Variants in DNAH12 observed in about 807,000 individuals in gnomAD.
The protein encoded by DNAH12 is dynein axonemal heavy chain 12.
Under a neutral mutation model 371.5 loss-of-function variants are expected in DNAH12, and 285 were observed. That is an observed-to-expected ratio of 0.77 (90% CI 0.70 to 0.85). The LOEUF is 0.85. DNAH12 is among the 40% of genes least tolerant of loss of function. The probability of loss-of-function intolerance (pLI) is 0.00; values close to 1 mark genes in which losing one functional copy is unlikely to be tolerated. For missense variants in DNAH12, 3,611 were observed against 3,689.4 expected, an observed-to-expected ratio of 0.98 and a Z score of 0.55; for synonymous variants, 1,200 against 1,213.0, an observed-to-expected ratio of 0.99 and a Z score of 0.22.
intron 13 of DNAH12, among the ~76,000 whole-genome samples, chr3:57,480,214 T>C (rs374269043): frequency 6.6e-6 from 1 of 151,522 alleles, no homozygotes; most frequent in Non-Finnish European, 1.5e-5. Context: ...ATCAAATAGA[T>C]GCAATAAAAA....
intron 62 of DNAH12, among the ~76,000 whole-genome samples, chr3:57,331,529 G>A (rs1231504577): frequency 6.6e-6 from 1 of 152,132 alleles, no homozygotes; most frequent in Non-Finnish European, 1.5e-5. Context: ...GGGAATCAGG[G>A]TAAGGAGTAA....
At chr3:57,390,566 T>C (rs1309312213) in intron 45 of DNAH12, among the ~76,000 whole-genome samples, 1 of 148,100 alleles carries the variant, frequency 6.8e-6, no homozygotes, top group Admixed American at 6.9e-5. Context: ...AACAAATCAG[T>C]ACCAGAAACT....
Position 57,428,811 on chromosome 3 carries a change from A to T in DNAH12, c.5075T>A (p.Val1692Glu). The T allele has an allele frequency of 1.3e-6, 2 of 1,529,894 alleles. No individual in the cohort carries two copies. The highest frequency in any genetic ancestry group is 1.8e-6 in the Non-Finnish European group (2 of 1,139,988). 94.8% of individuals were successfully genotyped at this position (1,529,894 alleles called of 1,614,324 possible). A position where few individuals can be genotyped will look rare whatever the true frequency, so the allele number is the denominator to read the frequency against. Residue 1692 changes from valine (V) to glutamate (E), a missense_variant, in exon 34 of 74, where the codon GTA (valine) becomes GAA (glutamate). By Grantham distance (121) the Val-to-Glu change is moderately radical. Around this residue, in one of 3 missense-constraint regions of DNAH12, gnomAD observed 2,266 missense variants for 2,236.9 expected, o/e 1.01. Coordinates refer to ENST00000495027, the MANE Select transcript of DNAH12 (RefSeq NM_001366028.2). The part of the protein sequence containing the change: ...MDLSQASPAT[V>E]SRCGMIYLEP... ...CAAATAAATCATACCACAACGACTT[A>T]CAGTGGCAGGCTAGAGAAAAAAGGC...
intron 2 of DNAH12, among the ~76,000 whole-genome samples, chr3:57,537,210 G>A (rs1307156983): frequency 6.6e-6 from 1 of 151,698 alleles, no homozygotes; most frequent in Non-Finnish European, 1.5e-5. Flanking sequence ...AAAAAAGAGG[G>A]GGTGGCAAAA....
intron 57 of DNAH12, among the ~76,000 whole-genome samples, chr3:57,365,344 A>AAACT (rs2063026646): frequency 6.6e-6 from 1 of 152,196 alleles, no homozygotes; most frequent in Non-Finnish European, 1.5e-5. Context: ...TATCATCAGC[A>AAACT]AACTAACACA....
intron 55 of DNAH12, among the ~76,000 whole-genome samples, chr3:57,370,746 C>T (rs1263547655): frequency 6.6e-6 from 1 of 152,146 alleles, no homozygotes; most frequent in African/African-American, 2.4e-5. Flanking sequence ...CAGAAAAACA[C>T]AGGTGCCCAA....
intron 60 of DNAH12, among the ~76,000 whole-genome samples, chr3:57,335,361 T>C (rs1312519562): frequency 3.3e-5 from 5 of 152,270 alleles, no homozygotes; most frequent in Admixed American, 1.3e-4. Context: ...GGAAGATGAA[T>C]GGAAAAGGTG....
intron 13 of DNAH12, among the ~76,000 whole-genome samples, chr3:57,475,446 A>T (rs145840052): frequency 0.014 from 2,126 of 152,314 alleles, 34 homozygotes; most frequent in African/African-American, 0.047. Flanking sequence ...CATCAAAAAC[A>T]CCATTAAAAA....
At chr3:57,505,300 T>C (rs2067713582) in intron 8 of DNAH12, among the ~76,000 whole-genome samples, 1 of 138,358 alleles carries the variant, frequency 7.2e-6, no homozygotes, top group African/African-American at 2.7e-5. Context: ...ACCATCCTTC[T>C]ACTCTTTATC....
chr3:57,548,975 C>T (rs750239142), upstream of DNAH12: 2 of 151,964 alleles, frequency 1.3e-5, no homozygotes, highest in Non-Finnish European at 2.9e-5. Context: ...AAGCAAAATC[C>T]TTCACTTTTT....
intron 30 of DNAH12, 55 bp downstream of exon 30, chr3:57,436,896 G>T: frequency 8.2e-7 from 1 of 1,216,068 alleles, no homozygotes; most frequent in Non-Finnish European, 1.1e-6. Context: ...GATTTTAGTT[G>T]TTTTACCAGC....
intron 30 of DNAH12, among the ~76,000 whole-genome samples, chr3:57,435,027 G>T (rs975654740): frequency 6.6e-6 from 1 of 152,026 alleles, no homozygotes; most frequent in African/African-American, 2.4e-5. Flanking sequence ...ACTCAGTTTG[G>T]CATCAAGTAT....
At chr3:57,309,455 A>G (rs867029222) in intron 68 of DNAH12, among the ~76,000 whole-genome samples, 1 of 152,194 alleles carries the variant, frequency 6.6e-6, no homozygotes, top group Non-Finnish European at 1.5e-5. Flanking sequence ...GGCATTTTAT[A>G]AGCCACTTTA....
At chr3:57,503,683 G>A (rs924257185) in intron 9 of DNAH12, among the ~76,000 whole-genome samples, 20 of 152,188 alleles carry the variant, frequency 1.3e-4, no homozygotes, top group Admixed American at 2.6e-4. Context: ...CACTGCGCCC[G>A]GCTGACAAAT....
intron 29 of DNAH12, among the ~76,000 whole-genome samples, chr3:57,439,501 G>A (rs1001920872): frequency 6.6e-6 from 1 of 152,092 alleles, no homozygotes; most frequent in African/African-American, 2.4e-5. Flanking sequence ...ATATATAGAA[G>A]AATTATTGGA....
intron 69 of DNAH12, among the ~76,000 whole-genome samples, chr3:57,307,500 T>TA (rs779750895): frequency 6.6e-6 from 1 of 152,218 alleles, no homozygotes; most frequent in Admixed American, 6.5e-5. Context: ...CTTACTGTTT[T>TA]GCCTAGCCCT....
chr3:57,508,300 G>T, intron 7 of DNAH12, 82 bp downstream of exon 7: 1 of 1,277,384 alleles, frequency 7.8e-7, no homozygotes. Context: ...GAAGATTTAG[G>T]ATTCCATTTT....
chr3:57,531,119 T>A (rs1341183015), intron 2 of DNAH12, among the ~76,000 whole-genome samples: 14 of 152,236 alleles, frequency 9.2e-5, no homozygotes, highest in Non-Finnish European at 1.6e-4. Flanking sequence ...CACTGAGTTT[T>A]GTACTTTCAG....
At chr3:57,324,945 C>T (rs112344329) in intron 62 of DNAH12, among the ~76,000 whole-genome samples, 11,341 of 152,292 alleles carry the variant, frequency 0.074, 1,383 homozygotes, top group African/African-American at 0.26. Context: ...GAGGGTCCTA[C>T]GCCCATGAAG....
Sources: allele counts gnomAD v4.1 joint callset (sites outside exome capture counted in the v4.1 genomes callset), GRCh38; gene constraint gnomAD v4.1.1; regional missense constraint gnomAD v4.1.1; transcripts MANE v1.5; gene names NCBI Gene and HGNC (gene_info 2026-07-23, HGNC 2026-07-21).